SCAI: variants seen among roughly 807,000 people sequenced by gnomAD.
SCAI encodes the protein suppressor of cancer cell invasion.
A neutral mutation model predicts 92.2 loss-of-function variants in SCAI; 24 were observed. The ratio of observed to expected loss-of-function variants is 0.26; its 90% confidence interval spans 0.19 to 0.37. SCAI has a LOEUF of 0.37. Ranked by LOEUF, SCAI falls within the 10% of genes least tolerant of loss-of-function variation. The pLI is 1.00. For missense variants in SCAI, 450 were observed against 736.2 expected, an observed-to-expected ratio of 0.61 and a Z score of 4.50; for synonymous variants, 261 against 258.6, an observed-to-expected ratio of 1.01 and a Z score of -0.09.
At chr9:125,109,756 G>A (rs928322512) in intron 2 of SCAI, among the ~76,000 whole-genome samples, 1 of 151,878 alleles carries the variant, frequency 6.6e-6, no homozygotes, top group Non-Finnish European at 1.5e-5. Context: ...ATGTGATCTC[G>A]GCTCACTGCA....
intron 2 of SCAI, among the ~76,000 whole-genome samples, chr9:125,063,806 T>A (rs1261358901): frequency 1.3e-5 from 2 of 151,654 alleles, no homozygotes; most frequent in Non-Finnish European, 2.9e-5. Context: ...CAGGCTGAAG[T>A]GCAATGGCGG....
intron 2 of SCAI, among the ~76,000 whole-genome samples, chr9:125,129,811 C>T (rs186747555): frequency 8.6e-5 from 13 of 151,932 alleles, no homozygotes; most frequent in South Asian, 2.1e-4. Flanking sequence ...ATTCATAAAT[C>T]TAGATACCGA....
At chr9:124,954,981 C>T (rs1192552369) in intron 17 of SCAI, among the ~76,000 whole-genome samples, 1 of 151,996 alleles carries the variant, frequency 6.6e-6, no homozygotes, top group Non-Finnish European at 1.5e-5. Flanking sequence ...GCCTGGCCAA[C>T]ATGGTGAAAC....
chr9:124,985,206 C>T (rs1831962486), intron 14 of SCAI, among the ~76,000 whole-genome samples: 1 of 152,206 alleles, frequency 6.6e-6, no homozygotes, highest in African/African-American at 2.4e-5. Flanking sequence ...CCAAACTTGA[C>T]ACTTCCTCTC....
chr9:124,983,590 C>T (rs1831930589), intron 14 of SCAI, among the ~76,000 whole-genome samples: 1 of 152,048 alleles, frequency 6.6e-6, no homozygotes, highest in South Asian at 2.1e-4. Flanking sequence ...TGACCTCAGG[C>T]AATCCACCCG....
At chr9:125,129,300 G>A (rs1835346644) in intron 2 of SCAI, among the ~76,000 whole-genome samples, 1 of 150,734 alleles carries the variant, frequency 6.6e-6, no homozygotes, top group Admixed American at 6.6e-5. Flanking sequence ...AGTTAGCCAG[G>A]AGTGGTGGTG....
chr9:125,029,294 G>T (rs1833025142), intron 4 of SCAI, among the ~76,000 whole-genome samples: 1 of 151,596 alleles, frequency 6.6e-6, no homozygotes, highest in South Asian at 2.1e-4. Context: ...GCTAATTTTT[G>T]TGTATTTTGT....
intron 17 of SCAI, among the ~76,000 whole-genome samples, chr9:124,958,942 C>A (rs1002140111): frequency 6.6e-5 from 10 of 150,754 alleles, no homozygotes; most frequent in Non-Finnish European, 5.9e-5. Context: ...AAAACAAAAT[C>A]TCTGTAACTT....
intron 14 of SCAI, among the ~76,000 whole-genome samples, chr9:124,988,318 G>C (rs1027840024): frequency 3.3e-5 from 5 of 151,934 alleles, no homozygotes; most frequent in Non-Finnish European, 7.4e-5. Flanking sequence ...TCTTAAGTAT[G>C]AGCAAACAAG....
rs964719044 is a variant in SCAI at position 124,993,982 on chromosome 9, A to C, written c.1326+952T>G. On this transcript the variant is annotated intron_variant, in intron 14 of 17. Coordinates refer to ENST00000336505, the MANE Select transcript of SCAI (RefSeq NM_001144877.3). The stretch of plus-strand genomic sequence containing the variant: ...AAGACTGTGCTTTCGTTTTCCTGTA[A>C]ATTACTATAGTTTGAATTATAATAT... 5.9e-5 allele frequency among the ~76,000 whole-genome samples: 9 copies of C among 152,120 alleles called. No individual in the cohort carries two copies. The South Asian group carries it at 6.2e-4, about 11-fold the overall frequency.
intron 2 of SCAI, among the ~76,000 whole-genome samples, chr9:125,128,747 C>T (rs1457163184): frequency 2.0e-5 from 3 of 146,978 alleles, no homozygotes; most frequent in African/African-American, 5.0e-5. Flanking sequence ...AGCGAAACTC[C>T]GTCTCAAAAA....
rs909218744 is a variant in SCAI at position 125,098,972 on chromosome 9, TA to T, written c.99-42966del. ...CTTCTCAATTGGCAAAATCACAGAT[TA>T]AAAAAAAAAAATTAGATGTGTGTCC... On this transcript the variant is annotated intron_variant, in intron 2 of 17. Transcript: ENST00000336505. 1.0e-3 allele frequency among the ~76,000 whole-genome samples: 151 copies of T among 146,392 alleles called. 1 individual carries two copies. Among genetic ancestry groups the T allele is most frequent in the African/African-American group, 2.1e-3 (85 of 40,166 alleles).
At chr9:124,973,804 G>A (rs1831705076) in intron 15 of SCAI, among the ~76,000 whole-genome samples, 1 of 148,784 alleles carries the variant, frequency 6.7e-6, no homozygotes, top group Non-Finnish European at 1.5e-5. Flanking sequence ...TCTAGCCTGG[G>A]CGACAGTGCA....
intron 17 of SCAI, among the ~76,000 whole-genome samples, chr9:124,970,417 G>A (rs559695589): frequency 9.9e-5 from 15 of 151,732 alleles, no homozygotes; most frequent in Admixed American, 5.3e-4. Flanking sequence ...AAAAATGAAT[G>A]ATTAAAAAAA....
chr9:124,979,396 C>T (rs996101222), intron 14 of SCAI, among the ~76,000 whole-genome samples: 5 of 151,260 alleles, frequency 3.3e-5, no homozygotes, highest in East Asian at 2.0e-4. Context: ...AAAAATTAGC[C>T]GGGCATGGTG....
At chr9:125,141,630 C>A (rs1483982031) in intron 2 of SCAI, among the ~76,000 whole-genome samples, 2 of 152,156 alleles carry the variant, frequency 1.3e-5, no homozygotes, top group Non-Finnish European at 2.9e-5. Context: ...CAGTGTCCAA[C>A]GACAAAAGAT....
chr9:125,074,935 C>T (rs1178848454), intron 2 of SCAI, among the ~76,000 whole-genome samples: 1 of 151,838 alleles, frequency 6.6e-6, no homozygotes, highest in Non-Finnish European at 1.5e-5. Context: ...ATCCAGGAGG[C>T]GGAGGTTGCA....
intron 2 of SCAI, 86 bp from the exon 3 acceptor site, chr9:125,056,093 T>C: frequency 4.2e-6 from 4 of 941,904 alleles, no homozygotes; most frequent in Non-Finnish European, 3.1e-6. Flanking sequence ...TAGTATTTTT[T>C]ATCCAAGACA....
At chr9:125,118,195 G>T (rs1022893858) in intron 2 of SCAI, among the ~76,000 whole-genome samples, 1 of 152,094 alleles carries the variant, frequency 6.6e-6, no homozygotes, top group African/African-American at 2.4e-5. Context: ...TAAAAGGCTT[G>T]TTAAAAAATA....
Sources: gnomAD v4.1 joint callset for allele counts (sites outside exome capture counted in the v4.1 genomes callset) on GRCh38, gnomAD v4.1.1 for gene constraint, MANE v1.5 for transcripts, NCBI Gene and HGNC (gene_info 2026-07-23, HGNC 2026-07-21) for gene names.